The following NBAS variants were observed in gnomAD, a reference collection of about 807,000 sequenced individuals.
NBAS encodes NBAS subunit of NRZ tethering complex.
A neutral mutation model predicts 302.5 loss-of-function variants in NBAS; 219 were observed. The observed-to-expected ratio is 0.72, with a 90% confidence interval of 0.65 to 0.81. The LOEUF (loss-of-function observed/expected upper bound fraction) is 0.81. NBAS is among the 30% of genes least tolerant of loss of function. The pLI is 0.00. For missense variants in NBAS, 2,932 were observed against 2,841.6 expected (o/e 1.03, Z -0.72); for synonymous variants, 1,118 against 1,021.6 (o/e 1.09, Z -1.80).
At chr2:15,018,131 A>C in the NBAS span, among the ~76,000 whole-genome samples, 52 of 151,986 alleles carry the variant, frequency 3.4e-4, no homozygotes, top group Non-Finnish European at 6.9e-4. Flanking sequence ...GATACTGAAG[A>C]CTGGGAAGGG....
At chr2:15,467,590 T>C in intron 18 of NBAS, 74 bp downstream of exon 18, 3 of 1,441,982 alleles carry the variant, frequency 2.1e-6, no homozygotes, top group Non-Finnish European at 1.9e-6. Context: ...GACTAATTAT[T>C]ACTAGTAAGG....
chr2:15,505,053 C>T (rs1178303032), intron 10 of NBAS, among the ~76,000 whole-genome samples: 1 of 152,202 alleles, frequency 6.6e-6, no homozygotes, highest in Non-Finnish European at 1.5e-5. Flanking sequence ...AAACCATACT[C>T]TCCACTTAGC....
At chr2:15,167,357 G>T (rs760587832) in intron 51 of NBAS, 34 bp from the exon 52 acceptor site, 5 of 1,613,014 alleles carry the variant, frequency 3.1e-6, no homozygotes, top group African/African-American at 1.3e-5. Context: ...GCGTGAGGGG[G>T]TGTTTGCTTT....
At chr2:15,049,737 A>G in the NBAS span, among the ~76,000 whole-genome samples, 1 of 152,190 alleles carries the variant, frequency 6.6e-6, no homozygotes, top group Non-Finnish European at 1.5e-5. Flanking sequence ...ACAAGTGCCC[A>G]CTGTGTCCCA....
intron 38 of NBAS, among the ~76,000 whole-genome samples, chr2:15,313,262 T>G (rs925424215): frequency 1.3e-5 from 2 of 152,192 alleles, no homozygotes; most frequent in Admixed American, 6.5e-5. Flanking sequence ...ACAAAAATAA[T>G]AAAATTAATC....
chr2:15,461,133 T>G (rs1292476732), intron 21 of NBAS, 68 bp downstream of exon 21: 7 of 1,347,624 alleles, frequency 5.2e-6, no homozygotes, highest in Middle Eastern at 1.8e-4. Context: ...AACTTTAAGG[T>G]GTTCAGCATG....
At chr2:15,203,923 T>TGTGA (rs1558434540) in intron 48 of NBAS, among the ~76,000 whole-genome samples, 1 of 150,186 alleles carries the variant, frequency 6.7e-6, no homozygotes, top group Non-Finnish European at 1.5e-5. Context: ...TGTGTGTGTG[T>TGTGA]GTGAGTGGGG....
At chr2:15,038,489 A>G in the NBAS span, among the ~76,000 whole-genome samples, 1 of 152,130 alleles carries the variant, frequency 6.6e-6, no homozygotes, top group East Asian at 1.9e-4. Context: ...CGGTCTGCAC[A>G]TCTCATGATT....
At chr2:15,272,299 G>A (rs1410106527) in intron 44 of NBAS, among the ~76,000 whole-genome samples, 1 of 152,138 alleles carries the variant, frequency 6.6e-6, no homozygotes, top group East Asian at 1.9e-4. Flanking sequence ...GTACACATTT[G>A]AAAACTGCAC....
the NBAS span, among the ~76,000 whole-genome samples, chr2:14,873,818 C>G: frequency 6.7e-6 from 1 of 149,926 alleles, no homozygotes; most frequent in Non-Finnish European, 1.5e-5. Context: ...GTGGCTAAGG[C>G]AGTACTTAAA....
intron 28 of NBAS, among the ~76,000 whole-genome samples, chr2:15,388,271 T>C (rs1675409988): frequency 6.6e-6 from 1 of 152,240 alleles, no homozygotes; most frequent in South Asian, 2.1e-4. Flanking sequence ...TTGATACTAT[T>C]ATAAAGTTTT....
chr2:14,885,743 C>G, the NBAS span, among the ~76,000 whole-genome samples: 10 of 152,046 alleles, frequency 6.6e-5, no homozygotes, highest in African/African-American at 2.4e-4. Context: ...CAGAGGCCTA[C>G]GAGGTAGTAG....
the NBAS span, among the ~76,000 whole-genome samples, chr2:15,082,002 T>C: frequency 1.1e-4 from 16 of 152,202 alleles, no homozygotes; most frequent in African/African-American, 3.9e-4. Context: ...ATGAGAATAA[T>C]GATATCTATC....
At chr2:15,228,848 G>A (rs557574155) in intron 47 of NBAS, among the ~76,000 whole-genome samples, 24 of 152,258 alleles carry the variant, frequency 1.6e-4, no homozygotes, top group African/African-American at 5.8e-4. Flanking sequence ...GGAGAGGACG[G>A]TCAATAGGCA....
intron 25 of NBAS, among the ~76,000 whole-genome samples, chr2:15,404,882 G>C (rs185500105): frequency 6.6e-6 from 1 of 152,206 alleles, no homozygotes; most frequent in East Asian, 1.9e-4. Context: ...ACTTTACGTT[G>C]AGAATCCTTT....
At chr2:15,394,643 G>A (rs1391417584) in intron 27 of NBAS, among the ~76,000 whole-genome samples, 1 of 152,060 alleles carries the variant, frequency 6.6e-6, no homozygotes, top group African/African-American at 2.4e-5. Context: ...GCACCTGTCA[G>A]TAAAATAAGC....
chr2:14,978,047 C>T, the NBAS span, among the ~76,000 whole-genome samples: 2 of 152,150 alleles, frequency 1.3e-5, no homozygotes, highest in African/African-American at 4.8e-5. Context: ...ACACATTATA[C>T]TCCCACTCAT....
At chr2:15,314,883 A>C (rs1462401978) in intron 38 of NBAS, among the ~76,000 whole-genome samples, 1 of 152,250 alleles carries the variant, frequency 6.6e-6, no homozygotes, top group Non-Finnish European at 1.5e-5. Flanking sequence ...GATACAACAT[A>C]GATGAATCTC....
At chr2:15,203,876 G>C (rs1221635928) in intron 48 of NBAS, among the ~76,000 whole-genome samples, 1 of 132,030 alleles carries the variant, frequency 7.6e-6, no homozygotes, top group African/African-American at 2.8e-5. Flanking sequence ...GTGTCTGTGT[G>C]TGTGTGTGTG....
Sources: allele counts gnomAD v4.1 joint callset (sites outside exome capture counted in the v4.1 genomes callset), GRCh38; gene constraint gnomAD v4.1.1; transcripts MANE v1.5; gene names NCBI Gene and HGNC (gene_info 2026-07-23, HGNC 2026-07-21).